The following TUBA4A variants were observed in gnomAD, a reference collection of about 807,000 sequenced individuals.
TUBA4A encodes the protein tubulin alpha 4a, also known as tubulin alpha-4A chain.
TUBA4A carries 23 observed loss-of-function variants against 34.3 expected under a neutral mutation model. That is an observed-to-expected ratio of 0.67 (90% CI 0.48 to 0.95). The LOEUF is 0.95. Among genes scored for constraint, TUBA4A ranks in the 40% least tolerant of loss-of-function variants. TUBA4A has a pLI of 0.00. For missense variants in TUBA4A, 279 were observed against 599.0 expected (o/e 0.47, Z 5.58); for synonymous variants, 216 against 230.5 (o/e 0.94, Z 0.57).
At position 219,252,266 on chromosome 2, in the gene TUBA4A, C is replaced by G. The variant is rs748112666; in HGVS notation, c.4-36G>C. 6.3e-7 allele frequency: 1 copy of G among 1,580,938 alleles called. No individual in the cohort carries two copies. The highest frequency in any genetic ancestry group is 8.7e-7 in the Non-Finnish European group (1 of 1,151,964). ...GAGAGAGGGGACACAGCATGAGCCC[C>G]ACATCCACAAGTCCTCACCTTGCGA... On this transcript the variant is annotated intron_variant, in intron 1 of 3. Transcript: ENST00000248437. The surrounding 1 kb of genome is among the most constrained non-coding windows in gnomAD (Gnocchi z 4.1).
At chr2:219,253,823 G>A in intron 1 of TUBA4A, 33 bp downstream of exon 1, 3 of 1,527,528 alleles carry the variant, frequency 2.0e-6, no homozygotes, top group Admixed American at 2.3e-5. Flanking sequence ...GGCAATTAGG[G>A]GACAGGCGCG....
chr2:219,252,076 A>G lies in TUBA4A; in HGVS notation c.158T>C (p.Phe53Ser). Reference sequence around the variant, plus strand: ...GTGTTTTCCAGCACCAGTTTCACAGAAGAAGGTGGTGAAGGAGTCGTCCCC... The same window carrying G: ...GTGTTTTCCAGCACCAGTTTCACAGGAGAAGGTGGTGAAGGAGTCGTCCCC... Reference protein sequence around the residue: ...GGGDDSFTTFFCETGAGKHVP... With the variant: ...GGGDDSFTTFSCETGAGKHVP... The change falls in exon 2 of 4, where the codon TTC (phenylalanine) becomes TCC (serine). Residue 53 changes from phenylalanine to serine, a missense_variant. Coordinates refer to ENST00000248437, the MANE Select transcript of TUBA4A (RefSeq NM_006000.3). The surrounding 1 kb of genome is among the most constrained non-coding windows in gnomAD (Gnocchi z 4.1). The G allele has an allele frequency of 6.2e-7, 1 of 1,614,136 alleles. No homozygotes were observed. Among genetic ancestry groups the G allele is most frequent in the East Asian group, 2.2e-5 (1 of 44,886 alleles).
Position 219,250,282 on chromosome 2 carries a change from C to G in TUBA4A, c.*70G>C, listed in dbSNP as rs1012298996. Reference sequence around the variant, plus strand: ...CAAGCACTCAGAGGGAACAAGAAACCGTGCAAGGAAACTGTTTATTTCGAA... The same window carrying G: ...CAAGCACTCAGAGGGAACAAGAAACGGTGCAAGGAAACTGTTTATTTCGAA... On this transcript the variant is annotated 3_prime_UTR_variant, in exon 4 of 4. Coordinates refer to ENST00000248437, the MANE Select transcript of TUBA4A (RefSeq NM_006000.3). This position sits in a 1 kb window ranked among gnomAD's most constrained non-coding sequence, Gnocchi z 8.4. The G allele has an allele frequency of 1.3e-6, 2 of 1,539,572 alleles. No individual in the cohort carries two copies. The highest frequency in any genetic ancestry group is 4.0e-5 in the Admixed American group (2 of 49,418).
At chr2:219,253,945 A>T, upstream of TUBA4A, 16 of 792,732 alleles carry the variant, frequency 2.0e-5, no homozygotes, top group South Asian at 4.0e-5. Flanking sequence ...CACCGCCCTT[A>T]TAGGCGGGGG....
At position 219,252,660 on chromosome 2, in the gene TUBA4A, A is replaced by G; in HGVS notation, c.4-430T>C. 9.5e-6 allele frequency: 4 copies of G among 422,426 alleles called. No homozygotes were observed. The highest frequency in any genetic ancestry group is 3.4e-5 in the South Asian group (2 of 57,996). 26.2% of individuals were successfully genotyped at this position (422,426 alleles called of 1,614,324 possible). A position where few individuals can be genotyped will look rare whatever the true frequency, so the allele number is the denominator to read the frequency against. On this transcript the variant is annotated intron_variant, in intron 1 of 3. Transcript: ENST00000248437. This position sits in a 1 kb window ranked among gnomAD's most constrained non-coding sequence, Gnocchi z 4.1. Reference sequence around the variant, plus strand: ...GTCTCAGCCATCCAATCTGGCATCAACTGACCACACGCCATCAGGATGCCC... The same window carrying G: ...GTCTCAGCCATCCAATCTGGCATCAGCTGACCACACGCCATCAGGATGCCC...
In TUBA4A at chr2:219,252,816, G is replaced by C. The variant is rs1951670229; in HGVS notation, c.4-586C>G. 1 of 471,864 alleles carries C rather than the reference G, an allele frequency of 2.1e-6. No homozygotes were observed. The highest frequency in any genetic ancestry group is 4.4e-6 in the Non-Finnish European group (1 of 227,648). The allele number at this position is 471,864 out of a possible 1,614,324, so 29.2% of individuals were successfully genotyped here. ...CCGTGTCAGCCCGCACGGAAATAGC[G>C]GCGGTAATGCTTGTAAGCTCAGACA... On this transcript the variant is annotated intron_variant, in intron 1 of 3. Transcript: ENST00000248437. This position sits in a 1 kb window ranked among gnomAD's most constrained non-coding sequence, Gnocchi z 4.1.
At position 219,249,980 on chromosome 2, in the gene TUBA4A, G is replaced by A. The variant is rs191481780; in HGVS notation, c.*372C>T. On this transcript the variant is annotated 3_prime_UTR_variant, in exon 4 of 4. Coordinates refer to ENST00000248437, the MANE Select transcript of TUBA4A (RefSeq NM_006000.3). ...AATGTAGAGGCAGCAGGAAGAACAGGGTAGCAGTCTAACTTTCAAAGACAG... is the reference window on the plus strand; with the variant it reads ...AATGTAGAGGCAGCAGGAAGAACAGAGTAGCAGTCTAACTTTCAAAGACAG... 13 of 197,102 alleles carry A rather than the reference G, an allele frequency of 6.6e-5. No homozygotes were observed. Among genetic ancestry groups the A allele is most frequent in the Admixed American group, 2.1e-4 (4 of 18,880 alleles). 12.2% of individuals were successfully genotyped at this position (197,102 alleles called of 1,614,324 possible). A position where few individuals can be genotyped will look rare whatever the true frequency, so the allele number is the denominator to read the frequency against.
Position 219,251,481 on chromosome 2 carries a change from AC to A in TUBA4A, c.375+83del. 1 of 1,553,118 alleles carries A rather than the reference AC, an allele frequency of 6.4e-7. No individual in the cohort carries two copies. The highest frequency in any genetic ancestry group is 8.7e-7 in the Non-Finnish European group (1 of 1,144,634). ...TCGAGACCATGTATAGTTAGAGATGACCTCCTGAAAGGATCTGAAAAAAAAT... is the reference window on the plus strand; with the variant it reads ...TCGAGACCATGTATAGTTAGAGATGACTCCTGAAAGGATCTGAAAAAAAAT... On this transcript the variant is annotated intron_variant, in intron 3 of 3. Transcript: ENST00000248437. This position sits in a 1 kb window ranked among gnomAD's most constrained non-coding sequence, Gnocchi z 6.1.
At position 219,252,038 on chromosome 2, in the gene TUBA4A, C is replaced by A; in HGVS notation, c.196G>T (p.Val66Phe). Residue 66 changes from valine (V) to phenylalanine (F), a missense_variant, in exon 2 of 4, where the codon GTT becomes TTT. This residue lies in a region of TUBA4A where 98 missense variants were observed against 171.1 expected (regional missense o/e 0.57). Coordinates refer to ENST00000248437, the MANE Select transcript of TUBA4A (RefSeq NM_006000.3). The surrounding 1 kb of genome is among the most constrained non-coding windows in gnomAD (Gnocchi z 4.1). The part of the protein sequence containing the change: ...TGAGKHVPRA[V>F]FVDLEPTVID... ...ACCGTAGGCTCCAGATCCACAAAAA[C>A]TGCCCGGGGTACGTGTTTTCCAGCA... 1 of 1,614,230 alleles carries A rather than the reference C, an allele frequency of 6.2e-7. No individual in the cohort carries two copies. The highest frequency in any genetic ancestry group is 8.5e-7 in the Non-Finnish European group (1 of 1,180,034).
intron 1 of TUBA4A, 60 bp downstream of exon 1, chr2:219,253,796 G>A (rs1951688689): frequency 2.2e-5 from 34 of 1,531,768 alleles, no homozygotes; most frequent in Non-Finnish European, 2.9e-5. Context: ...TGGAAGAAGT[G>A]TCCCCCAAAG....
chr2:219,250,325 A>ACAC lies in TUBA4A; in HGVS notation c.*26_*27insGTG. The ACAC allele has an allele frequency of 6.3e-7, 1 of 1,580,016 alleles. No homozygotes were observed. The highest frequency in any genetic ancestry group is 1.1e-5 in the South Asian group (1 of 87,516). ...ATTTCGAAAGGATTTTGCAATAAAC[A>ACAC]TAGTGAATAGGCTCCAGGCAGCTGC... On this transcript the variant is annotated 3_prime_UTR_variant, in exon 4 of 4. Coordinates refer to ENST00000248437, the MANE Select transcript of TUBA4A (RefSeq NM_006000.3). This position sits in a 1 kb window ranked among gnomAD's most constrained non-coding sequence, Gnocchi z 8.4.
chr2:219,251,479 T>G lies in TUBA4A; in HGVS notation c.375+86A>C. The stretch of plus-strand genomic sequence containing the variant: ...ACTCGAGACCATGTATAGTTAGAGA[T>G]GACCTCCTGAAAGGATCTGAAAAAA... On this transcript the variant is annotated intron_variant, in intron 3 of 3. Coordinates refer to ENST00000248437, the MANE Select transcript of TUBA4A (RefSeq NM_006000.3). This position sits in a 1 kb window ranked among gnomAD's most constrained non-coding sequence, Gnocchi z 6.1. The G allele has an allele frequency of 1.3e-6, 2 of 1,553,694 alleles. No homozygotes were observed. The highest frequency in any genetic ancestry group is 2.4e-5 in the South Asian group (2 of 82,080).
At position 219,249,988 on chromosome 2, in the gene TUBA4A, T is replaced by C; in HGVS notation, c.*364A>G. 1 of 201,036 alleles carries C rather than the reference T, an allele frequency of 5.0e-6. No homozygotes were observed. The highest frequency in any genetic ancestry group is 9.3e-5 in the South Asian group (1 of 10,790). 12.5% of individuals were successfully genotyped at this position (201,036 alleles called of 1,614,324 possible). A position where few individuals can be genotyped will look rare whatever the true frequency, so the allele number is the denominator to read the frequency against. ...GGCAGCAGGAAGAACAGGGTAGCAGTCTAACTTTCAAAGACAGAAACCACT... is the reference window on the plus strand; with the variant it reads ...GGCAGCAGGAAGAACAGGGTAGCAGCCTAACTTTCAAAGACAGAAACCACT... On this transcript the variant is annotated 3_prime_UTR_variant, in exon 4 of 4. Coordinates refer to ENST00000248437, the MANE Select transcript of TUBA4A (RefSeq NM_006000.3).
chr2:219,251,789 A>G lies in TUBA4A; in HGVS notation c.227-76T>C, dbSNP rs1385955124. On this transcript the variant is annotated intron_variant, in intron 2 of 3. Coordinates refer to ENST00000248437, the MANE Select transcript of TUBA4A (RefSeq NM_006000.3). This position sits in a 1 kb window ranked among gnomAD's most constrained non-coding sequence, Gnocchi z 6.1. The stretch of plus-strand genomic sequence containing the variant: ...CAGGGTGGTAGCTGTGGCCAGATGC[A>G]TGGAAGGACTCATCCTCCTGCCAGC... The G allele has an allele frequency of 1.3e-6, 2 of 1,536,928 alleles. No individual in the cohort carries two copies. The highest frequency in any genetic ancestry group is 1.8e-6 in the Non-Finnish European group (2 of 1,136,214).
At chr2:219,253,754 C>A in intron 1 of TUBA4A, 102 bp downstream of exon 1, 1 of 1,410,078 alleles carries the variant, frequency 7.1e-7, no homozygotes, top group Non-Finnish European at 9.7e-7. Context: ...CCTGGAGACC[C>A]GGAACGCCCG....
In TUBA4A at chr2:219,252,762, A is replaced by T. The variant is rs776378221; in HGVS notation, c.4-532T>A. The T allele has an allele frequency of 2.1e-6, 1 of 471,012 alleles. No individual in the cohort carries two copies. Among genetic ancestry groups the T allele is most frequent in the Non-Finnish European group, 4.4e-6 (1 of 227,402 alleles). The allele number at this position is 471,012 out of a possible 1,614,324, so 29.2% of individuals were successfully genotyped here. On this transcript the variant is annotated intron_variant, in intron 1 of 3. Transcript: ENST00000248437. The surrounding 1 kb of genome is among the most constrained non-coding windows in gnomAD (Gnocchi z 4.1). ...CTCCTCTCCCCACCTCCACCCCCGC[A>T]CCCTGGGTGTCTTCACCACTTTCAT...
chr2:219,253,861 T>G lies in TUBA4A; in HGVS notation c.-3A>C, dbSNP rs200615683. On this transcript the variant is annotated 5_prime_UTR_variant, in exon 1 of 4. Coordinates refer to ENST00000248437, the MANE Select transcript of TUBA4A (RefSeq NM_006000.3). ...CCCGGCCGGGCCGCACTCACCATGG[T>G]GAGTCCGGGCGGTGCGTCTCACGTT... 5.3e-5 allele frequency: 79 copies of G among 1,479,192 alleles called. No individual in the cohort carries two copies. The highest frequency in any genetic ancestry group is 4.5e-6 in the Non-Finnish European group (5 of 1,117,988). The allele number at this position is 1,479,192 out of a possible 1,614,324, so 91.6% of individuals were successfully genotyped here.
chr2:219,253,519 T>G (rs1187776511), intron 1 of TUBA4A: 1 of 1,037,552 alleles, frequency 9.6e-7, no homozygotes, highest in Non-Finnish European at 1.4e-6. Context: ...CCCGTCTTCT[T>G]TTGCCCGCGG....
chr2:219,253,146 C>T (rs949318335), intron 1 of TUBA4A: 4 of 1,520,412 alleles, frequency 2.6e-6, no homozygotes, highest in African/African-American at 1.4e-5. Flanking sequence ...GATTGGGTTT[C>T]GGCCCCCGCT....
Sources: allele counts gnomAD v4.1 joint callset, GRCh38; gene constraint gnomAD v4.1.1; regional missense constraint gnomAD v4.1.1; non-coding constraint Gnocchi (gnomAD v3.1); transcripts MANE v1.5; gene names NCBI Gene and HGNC (gene_info 2026-07-23, HGNC 2026-07-21).